The following MICU1 variants were observed in gnomAD, a reference collection of about 807,000 sequenced individuals.
The protein encoded by MICU1 is mitochondrial calcium uptake 1.
MICU1 carries 45 observed loss-of-function variants against 56.8 expected under a neutral mutation model. The ratio of observed to expected loss-of-function variants is 0.79; its 90% confidence interval spans 0.62 to 1.02. The LOEUF is 1.02. Among genes scored for constraint, MICU1 ranks in the 50% least tolerant of loss-of-function variants. The pLI is 0.00. For synonymous variants in MICU1, 186 were observed against 195.1 expected, an observed-to-expected ratio of 0.95 and a Z score of 0.39; for missense variants, 504 against 587.1, an observed-to-expected ratio of 0.86 and a Z score of 1.46.
chr10:72,467,357 T>A (rs753225286), intron 8 of MICU1, among the ~76,000 whole-genome samples: 15 of 152,084 alleles, frequency 9.9e-5, no homozygotes, highest in Non-Finnish European at 1.8e-4. Flanking sequence ...CTGATTTCTG[T>A]ATTTTTAGTA....
intron 1 of MICU1, among the ~76,000 whole-genome samples, chr10:72,592,108 C>G (rs1841244203): frequency 6.7e-6 from 1 of 148,928 alleles, no homozygotes; most frequent in Non-Finnish European, 1.5e-5. Flanking sequence ...CTCCCAGGTT[C>G]AAGCGATTCT....
chr10:72,583,936 AAGTG>A (rs1485036736), intron 1 of MICU1, among the ~76,000 whole-genome samples: 2 of 152,236 alleles, frequency 1.3e-5, no homozygotes, highest in Non-Finnish European at 2.9e-5. Flanking sequence ...CTGTTCTGAG[AAGTG>A]AGTATCTTCC....
intron 1 of MICU1, among the ~76,000 whole-genome samples, chr10:72,586,840 A>G (rs1047409499): frequency 6.6e-5 from 10 of 152,226 alleles, no homozygotes; most frequent in Non-Finnish European, 1.5e-4. Context: ...GTGTAGTTGA[A>G]GACTATGGCA....
At chr10:72,622,147 T>A (rs1351346171) in intron 1 of MICU1, among the ~76,000 whole-genome samples, 1 of 151,086 alleles carries the variant, frequency 6.6e-6, no homozygotes, top group Non-Finnish European at 1.5e-5. Context: ...ATGGTCTCGA[T>A]CTCCTGACCT....
At chr10:72,443,844 C>A (rs1865017327) in intron 8 of MICU1, among the ~76,000 whole-genome samples, 2 of 151,584 alleles carry the variant, frequency 1.3e-5, no homozygotes, top group African/African-American at 4.9e-5. Context: ...ACTAGAAATA[C>A]CATTTGACCC....
chr10:72,445,571 A>G (rs1016470785), intron 8 of MICU1, among the ~76,000 whole-genome samples: 2 of 152,200 alleles, frequency 1.3e-5, no homozygotes, highest in South Asian at 2.1e-4. Context: ...TACTTTTTGC[A>G]GCACGACATA....
intron 1 of MICU1, among the ~76,000 whole-genome samples, chr10:72,617,842 CA>C (rs1842018504): frequency 6.6e-6 from 1 of 151,346 alleles, no homozygotes; most frequent in African/African-American, 2.4e-5. Flanking sequence ...AAAACAACAA[CA>C]AAAAACCAGC....
Position 72,547,078 on chromosome 10 carries a change from A to G in MICU1, c.493+4101T>C, listed in dbSNP as rs565897337. On this transcript the variant is annotated intron_variant, in intron 4 of 11. Transcript: ENST00000361114. ...AGCTAATTTTTTTTGTATTTTTAGT[A>G]CAGACGAGGTTTCACCATGTTAGCC... Among the ~76,000 whole-genome samples, 63 of 152,080 alleles carry G rather than the reference A, an allele frequency of 4.1e-4. No individual in the cohort carries two copies. In the Middle Eastern group the frequency reaches 0.01, roughly 25 times the overall value.
chr10:72,576,225 C>CAAAAAAAAAAAAAAAAAAAA (rs34829939), intron 1 of MICU1, among the ~76,000 whole-genome samples: 2 of 68,212 alleles, frequency 2.9e-5, no homozygotes, highest in Non-Finnish European at 5.2e-5. Context: ...AAAAAAACAC[C>CAAAAAAAAAAAAAAAAAAAA]AAAAAAAAAA....
At chr10:72,540,908 G>A (rs1313266164) in intron 4 of MICU1, among the ~76,000 whole-genome samples, 1 of 152,160 alleles carries the variant, frequency 6.6e-6, no homozygotes, top group Non-Finnish European at 1.5e-5. Context: ...ATGGGCCAGT[G>A]GTCTAAAAAG....
At chr10:72,524,622 T>C in intron 5 of MICU1, 2 of 651,252 alleles carry the variant, frequency 3.1e-6, no homozygotes, top group Non-Finnish European at 4.4e-6. Context: ...GAAATCATTC[T>C]GAAGGGAGCA....
At chr10:72,508,926 G>A (rs145428685) in intron 5 of MICU1, among the ~76,000 whole-genome samples, 1 of 152,166 alleles carries the variant, frequency 6.6e-6, no homozygotes, top group African/African-American at 2.4e-5. Context: ...GCTATTTGAT[G>A]AAACTGTCTC....
At chr10:72,536,165 A>T (rs1234702309) in intron 4 of MICU1, among the ~76,000 whole-genome samples, 1 of 152,096 alleles carries the variant, frequency 6.6e-6, no homozygotes, top group Admixed American at 6.6e-5. Context: ...AGTTAACAAC[A>T]ATATTTATAC....
intron 8 of MICU1, among the ~76,000 whole-genome samples, chr10:72,448,188 TATA>T (rs1467812265): frequency 1.8e-4 from 14 of 77,210 alleles, no homozygotes; most frequent in African/African-American, 6.2e-4. Context: ...TATATATATA[TATA>T]TATTTTTTTT....
intron 11 of MICU1, among the ~76,000 whole-genome samples, chr10:72,369,192 C>T (rs1054004081): frequency 1.1e-4 from 17 of 151,634 alleles, no homozygotes; most frequent in African/African-American, 3.2e-4. Flanking sequence ...GCAGGAAGAT[C>T]GCTTGATTAC....
chr10:72,518,545 T>G (rs1425529788), intron 5 of MICU1, among the ~76,000 whole-genome samples: 2 of 152,172 alleles, frequency 1.3e-5, no homozygotes, highest in African/African-American at 4.8e-5. Context: ...AATGTGAGAT[T>G]AGGTAATAAA....
chr10:72,557,598 G>C (rs540651091), intron 3 of MICU1, among the ~76,000 whole-genome samples: 1 of 152,196 alleles, frequency 6.6e-6, no homozygotes, highest in Non-Finnish European at 1.5e-5. Context: ...AGGAGCAAGA[G>C]TTTTTACGTC....
intron 8 of MICU1, among the ~76,000 whole-genome samples, chr10:72,471,620 C>T (rs1865954972): frequency 6.6e-6 from 1 of 151,750 alleles, no homozygotes; most frequent in South Asian, 2.1e-4. Flanking sequence ...TTTGTTTTTG[C>T]TAAAAGTATT....
At chr10:72,508,891 C>T (rs1028022833) in intron 5 of MICU1, among the ~76,000 whole-genome samples, 1 of 152,170 alleles carries the variant, frequency 6.6e-6, no homozygotes, top group African/African-American at 2.4e-5. Flanking sequence ...TCTACTGTTA[C>T]TTTAATGGAG....
Sources: allele counts gnomAD v4.1 joint callset (sites outside exome capture counted in the v4.1 genomes callset), GRCh38; gene constraint gnomAD v4.1.1; transcripts MANE v1.5; gene names NCBI Gene and HGNC (gene_info 2026-07-23, HGNC 2026-07-21).